Variants in SERGEF observed in about 807,000 individuals in gnomAD.
The protein encoded by SERGEF is secretion regulating guanine nucleotide exchange factor, also known as secretion-regulating guanine nucleotide exchange factor.
SERGEF carries 51 observed loss-of-function variants against 50.0 expected under a neutral mutation model. That is an observed-to-expected ratio of 1.02 (90% CI 0.81 to 1.29). SERGEF has a LOEUF of 1.29. SERGEF is among the 50% of genes most tolerant of loss of function. The pLI is 0.00. For missense variants in SERGEF, 521 were observed against 557.0 expected (o/e 0.94, Z 0.65); for synonymous variants, 205 against 212.4 (o/e 0.97, Z 0.30).
intron 8 of SERGEF, among the ~76,000 whole-genome samples, chr11:17,966,512 C>A (rs1358212876): frequency 6.6e-6 from 1 of 152,168 alleles, no homozygotes; most frequent in African/African-American, 2.4e-5. Context: ...TAAAAATCTT[C>A]AGTATTAAAA....
At chr11:17,821,641 T>G (rs563304977) in intron 10 of SERGEF, among the ~76,000 whole-genome samples, 1 of 152,188 alleles carries the variant, frequency 6.6e-6, no homozygotes, top group Non-Finnish European at 1.5e-5. Flanking sequence ...CCTATAAAAT[T>G]ATCCTTCAAA....
chr11:17,831,652 T>C (rs973887030), intron 10 of SERGEF, among the ~76,000 whole-genome samples: 2 of 152,210 alleles, frequency 1.3e-5, no homozygotes, highest in Non-Finnish European at 2.9e-5. Context: ...TTTGGGGAAA[T>C]ACTGGAAGTG....
At chr11:17,806,574 T>C (rs1409016671) in intron 10 of SERGEF, among the ~76,000 whole-genome samples, 2 of 152,190 alleles carry the variant, frequency 1.3e-5, no homozygotes, top group East Asian at 3.9e-4. Context: ...TAACTCCTAG[T>C]TCCACAGCCT....
chr11:17,796,753 C>T (rs1303588485), intron 10 of SERGEF, among the ~76,000 whole-genome samples: 2 of 152,144 alleles, frequency 1.3e-5, no homozygotes, highest in Non-Finnish European at 2.9e-5. Flanking sequence ...CCAAGGATAC[C>T]CTCGAGGCAG....
At chr11:17,838,562 C>A (rs1441265851) in intron 10 of SERGEF, among the ~76,000 whole-genome samples, 1 of 152,138 alleles carries the variant, frequency 6.6e-6, no homozygotes, top group African/African-American at 2.4e-5. Context: ...CTCATTCAGC[C>A]CTTATCATCA....
intron 10 of SERGEF, chr11:17,846,423 T>G (rs538730879): frequency 1.0e-5 from 3 of 289,210 alleles, no homozygotes; most frequent in Admixed American, 8.4e-5. Context: ...GGCAGCAGTA[T>G]GTAGAGATGT....
Position 17,975,520 on chromosome 11 carries a change from A to G in SERGEF, c.844+13077T>C, listed in dbSNP as rs551777882. On this transcript the variant is annotated intron_variant, in intron 8 of 10. Coordinates refer to ENST00000265965, the MANE Select transcript of SERGEF (RefSeq NM_012139.4). ...AGCTTCCCAGAAGAAAGGCCAATGA[A>G]CCAGATAACTCCAGTCCCACCCATC... is the stretch of plus-strand genomic sequence containing the variant. 7.2e-5 allele frequency among the ~76,000 whole-genome samples: 11 copies of G among 152,242 alleles called. No homozygotes were observed. The East Asian group carries it at 1.9e-3, about 27-fold the overall frequency.
chr11:18,012,475 T>C (rs1854216562), intron 1 of SERGEF: 3 of 1,077,456 alleles, frequency 2.8e-6, no homozygotes, highest in Admixed American at 5.4e-5. Flanking sequence ...CTGTGCCTTG[T>C]GCGCGGCCAA....
chr11:17,803,809 C>T (rs567875648), intron 10 of SERGEF, among the ~76,000 whole-genome samples: 10 of 152,204 alleles, frequency 6.6e-5, no homozygotes, highest in African/African-American at 2.4e-4. Flanking sequence ...TCCTTCTTCC[C>T]ATCTCCATGG....
chr11:18,004,420 C>G (rs749834452), intron 4 of SERGEF, 21 bp downstream of exon 4: 2 of 1,578,658 alleles, frequency 1.3e-6, no homozygotes, highest in Non-Finnish European at 1.7e-6. Context: ...CATGGGCAAG[C>G]TAAATATTAA....
chr11:17,936,577 G>C (rs1852456891), intron 9 of SERGEF, among the ~76,000 whole-genome samples: 2 of 152,022 alleles, frequency 1.3e-5, no homozygotes, highest in South Asian at 4.2e-4. Flanking sequence ...AATAAAGAAG[G>C]CTGGCCCTTC....
At chr11:17,990,178 C>T (rs1053467890) in intron 7 of SERGEF, among the ~76,000 whole-genome samples, 2 of 152,164 alleles carry the variant, frequency 1.3e-5, no homozygotes, top group African/African-American at 4.8e-5. Flanking sequence ...CAAACAGTAT[C>T]ATTAAGGGGC....
chr11:17,963,293 G>A (rs1377008987), intron 8 of SERGEF, among the ~76,000 whole-genome samples: 7 of 132,674 alleles, frequency 5.3e-5, no homozygotes, highest in Admixed American at 3.4e-4. Flanking sequence ...CAGCCACAGA[G>A]AAGTGCCATG....
chr11:17,968,272 A>C (rs1853169749), intron 8 of SERGEF, among the ~76,000 whole-genome samples: 1 of 152,230 alleles, frequency 6.6e-6, no homozygotes, highest in South Asian at 2.1e-4. Flanking sequence ...AGAAAACAAA[A>C]CTAAGGAAAA....
intron 10 of SERGEF, among the ~76,000 whole-genome samples, chr11:17,797,355 C>G (rs11024401): frequency 0.034 from 5,131 of 152,296 alleles, 140 homozygotes; most frequent in Non-Finnish European, 0.054. Flanking sequence ...GACTTTCTTA[C>G]TGTTCCTCAA....
At chr11:17,806,178 C>T (rs547692651) in intron 10 of SERGEF, among the ~76,000 whole-genome samples, 1 of 152,164 alleles carries the variant, frequency 6.6e-6, no homozygotes, top group Non-Finnish European at 1.5e-5. Context: ...ATGGATGGTT[C>T]CTTGTTCCCA....
chr11:17,976,796 CT>C (rs980101187), intron 8 of SERGEF, among the ~76,000 whole-genome samples: 1 of 152,228 alleles, frequency 6.6e-6, no homozygotes, highest in African/African-American at 2.4e-5. Flanking sequence ...AAACTGAGCT[CT>C]CTGCCAGGGA....
intron 9 of SERGEF, among the ~76,000 whole-genome samples, chr11:17,921,543 C>T (rs1764046005): frequency 2.0e-5 from 3 of 152,202 alleles, no homozygotes; most frequent in African/African-American, 7.2e-5. Flanking sequence ...CCATGATTCC[C>T]TCATTCCCAA....
intron 10 of SERGEF, among the ~76,000 whole-genome samples, chr11:17,804,160 G>C (rs1362372202): frequency 6.6e-6 from 1 of 152,196 alleles, no homozygotes; most frequent in Non-Finnish European, 1.5e-5. Flanking sequence ...ATGACCATCT[G>C]TGCTGGTAAA....
Sources: allele counts gnomAD v4.1 joint callset (sites outside exome capture counted in the v4.1 genomes callset), GRCh38; gene constraint gnomAD v4.1.1; transcripts MANE v1.5; gene names NCBI Gene and HGNC (gene_info 2026-07-23, HGNC 2026-07-21).